The following ETV1 variants were observed in gnomAD, a reference collection of about 807,000 sequenced individuals.
ETV1 encodes ETS variant transcription factor 1, also known as ETS translocation variant 1.
In ETV1, 27 loss-of-function variants were observed where a neutral mutation model predicts 62.3. The observed-to-expected ratio is 0.43, with a 90% CI of 0.32 to 0.60. The LOEUF is 0.60. Among genes scored for constraint, ETV1 ranks in the 20% least tolerant of loss-of-function variants. The probability of loss-of-function intolerance (pLI) is 0.06; values close to 1 mark genes in which losing one functional copy is unlikely to be tolerated. For synonymous variants in ETV1, 222 were observed against 199.6 expected (o/e 1.11, Z -0.94); for missense variants, 605 against 605.8 (o/e 1.00, Z 0.01).
intron 10 of ETV1, 59 bp downstream of exon 10, chr7:13,911,180 T>C (rs1562600260): frequency 1.8e-6 from 2 of 1,121,726 alleles, no homozygotes; most frequent in Non-Finnish European, 2.7e-6. Context: ...ACGTCATATT[T>C]GGGATGTCTG....
At chr7:13,912,515 A>G (rs191076027) in intron 9 of ETV1, among the ~76,000 whole-genome samples, 20 of 152,320 alleles carry the variant, frequency 1.3e-4, no homozygotes, top group Admixed American at 8.5e-4. Flanking sequence ...TTCATAATAA[A>G]TTAATAACAT....
At chr7:13,953,960 A>C (rs1159770499) in intron 6 of ETV1, among the ~76,000 whole-genome samples, 2 of 152,184 alleles carry the variant, frequency 1.3e-5, no homozygotes, top group South Asian at 2.1e-4. Context: ...TTTTTTATTA[A>C]ATCACAAACA....
chr7:13,951,839 G>C (rs10264667), intron 6 of ETV1, among the ~76,000 whole-genome samples: 1 of 152,004 alleles, frequency 6.6e-6, no homozygotes, highest in Non-Finnish European at 1.5e-5. Flanking sequence ...ATGAGAACTT[G>C]ATAGTAGCTG....
rs1046070046 is a variant in ETV1 at position 13,985,599 on chromosome 7, C to A, written c.181+1039G>T. 144 of 157,772 alleles carry A rather than the reference C, an allele frequency of 9.1e-4. No homozygotes were observed. The East Asian group carries it at 0.024, about 26-fold the overall frequency. The allele number at this position is 157,772 out of a possible 1,614,324, so 9.8% of individuals were successfully genotyped here. ...TTCCATTTAAAGAGACCCACTCTCT[C>A]CTTTTTAACCATCTTAAAATCTGTT... On this transcript the variant is annotated intron_variant, in intron 5 of 13. Transcript: ENST00000430479.
chr7:13,950,685 A>G (rs1403873381), intron 6 of ETV1, among the ~76,000 whole-genome samples: 2 of 152,080 alleles, frequency 1.3e-5, no homozygotes, highest in Admixed American at 6.6e-5. Context: ...ATTGGGGTCC[A>G]TCTTTCATCT....
At chr7:13,965,184 A>C (rs906604203) in intron 6 of ETV1, among the ~76,000 whole-genome samples, 1 of 152,224 alleles carries the variant, frequency 6.6e-6, no homozygotes, top group Non-Finnish European at 1.5e-5. Context: ...GTTATCATAA[A>C]CATCTCTTGA....
intron 6 of ETV1, among the ~76,000 whole-genome samples, chr7:13,963,965 A>T (rs1790479476): frequency 6.6e-6 from 1 of 152,218 alleles, no homozygotes; most frequent in African/African-American, 2.4e-5. Context: ...AAAGGAAAAC[A>T]GGGATTGATT....
In ETV1 at chr7:13,896,236, T is replaced by TTA. The variant is rs1554288227; in HGVS notation, c.1213-150_1213-149insTA. 5.6e-5 allele frequency: 27 copies of TTA among 481,994 alleles called. No homozygotes were observed. The Admixed American group carries it at 5.9e-4, about 10-fold the overall frequency. 29.9% of individuals were successfully genotyped at this position (481,994 alleles called of 1,614,324 possible). On this transcript the variant is annotated intron_variant, in intron 13 of 13. Transcript: ENST00000430479. Reference sequence around the variant, plus strand: ...GCAAACAACTAATAGCAGATACACATAAAAAAAAAAAAGTCTTTACTTTGT... The same window carrying TTA: ...GCAAACAACTAATAGCAGATACACATTAAAAAAAAAAAAAGTCTTTACTTTGT...
chr7:13,970,261 AAAAC>A (rs1355048301), intron 6 of ETV1, among the ~76,000 whole-genome samples: 1 of 113,794 alleles, frequency 8.8e-6, no homozygotes, highest in African/African-American at 3.7e-5. Flanking sequence ...ACCCCATCTC[AAAAC>A]ACACACACAC....
In ETV1 at chr7:13,930,329, A is replaced by AT. The variant is rs936976462; in HGVS notation, c.802+1172dup. Reference sequence around the variant, plus strand: ...GTTGGTGGTACTATTTGGAAAAAAAATTTTTTTTTTGAGACGGAGTCTTAC... The same window carrying AT: ...GTTGGTGGTACTATTTGGAAAAAAAATTTTTTTTTTTGAGACGGAGTCTTAC... On this transcript the variant is annotated intron_variant, in intron 9 of 13. Transcript: ENST00000430479. Among the ~76,000 whole-genome samples the AT allele has an allele frequency of 1.0e-4, 15 of 150,288 alleles. No individual in the cohort carries two copies. The East Asian group carries it at 1.8e-3, about 18-fold the overall frequency.
At chr7:13,951,699 G>C (rs1788833048) in intron 6 of ETV1, among the ~76,000 whole-genome samples, 1 of 152,120 alleles carries the variant, frequency 6.6e-6, no homozygotes, top group African/African-American at 2.4e-5. Flanking sequence ...GTGTTACTCA[G>C]TTTCCCCTTT....
chr7:13,964,467 A>C (rs1790547670), intron 6 of ETV1, among the ~76,000 whole-genome samples: 1 of 152,180 alleles, frequency 6.6e-6, no homozygotes, highest in Non-Finnish European at 1.5e-5. Flanking sequence ...ATTTCTAATC[A>C]AAATTTATCC....
intron 6 of ETV1, among the ~76,000 whole-genome samples, chr7:13,970,184 C>G (rs1025323366): frequency 2.0e-5 from 3 of 151,540 alleles, no homozygotes; most frequent in Non-Finnish European, 2.9e-5. Flanking sequence ...TGGCGTGAAC[C>G]CGGGAGGCGG....
intron 9 of ETV1, among the ~76,000 whole-genome samples, chr7:13,925,625 G>A (rs1312814174): frequency 2.0e-5 from 3 of 151,348 alleles, no homozygotes; most frequent in African/African-American, 7.3e-5. Context: ...GAGTGCGGTG[G>A]CGCGATCTCA....
intron 6 of ETV1, among the ~76,000 whole-genome samples, chr7:13,955,301 C>T (rs981173604): frequency 6.6e-6 from 1 of 152,162 alleles, no homozygotes; most frequent in African/African-American, 2.4e-5. Flanking sequence ...TTTCATTTAA[C>T]TGTATGAGAT....
intron 8 of ETV1, among the ~76,000 whole-genome samples, 152 bp downstream of exon 8, chr7:13,935,552 TATAG>T (rs1010844508): frequency 1.3e-5 from 2 of 152,234 alleles, no homozygotes; most frequent in South Asian, 2.1e-4. Context: ...AAATTATAAG[TATAG>T]ATAGAGTGAG....
At chr7:13,927,960 A>G (rs1052654341) in intron 9 of ETV1, among the ~76,000 whole-genome samples, 1 of 152,208 alleles carries the variant, frequency 6.6e-6, no homozygotes, top group East Asian at 1.9e-4. Flanking sequence ...TATAAAATTA[A>G]CAGCTTTTTA....
At chr7:13,952,598 C>A (rs892037882) in intron 6 of ETV1, among the ~76,000 whole-genome samples, 2 of 152,048 alleles carry the variant, frequency 1.3e-5, no homozygotes, top group Non-Finnish European at 2.9e-5. Context: ...ACATGTAATA[C>A]GGTTAACATT....
At chr7:13,944,218 GT>G (rs2128464978) in intron 6 of ETV1, among the ~76,000 whole-genome samples, 1 of 152,290 alleles carries the variant, frequency 6.6e-6, no homozygotes, top group South Asian at 2.1e-4. Flanking sequence ...GTCTTAGTCT[GT>G]TTAGGCTGCT....
Sources: allele counts gnomAD v4.1 joint callset (sites outside exome capture counted in the v4.1 genomes callset), GRCh38; gene constraint gnomAD v4.1.1; transcripts MANE v1.5; gene names NCBI Gene and HGNC (gene_info 2026-07-23, HGNC 2026-07-21).